KHDRBS2: variants seen among roughly 807,000 people sequenced by gnomAD.
KHDRBS2 encodes KH RNA binding domain containing, signal transduction associated 2, also known as KH domain-containing, RNA-binding, signal transduction-associated protein 2.
A neutral mutation model predicts 44.3 loss-of-function variants in KHDRBS2; 26 were observed. The observed-to-expected ratio is 0.59, with a 90% CI of 0.43 to 0.81. The LOEUF is 0.81. KHDRBS2 is among the 40% of genes least tolerant of loss of function. The pLI, the probability that KHDRBS2 is intolerant of heterozygous loss-of-function variation, is 0.00. For missense variants in KHDRBS2, 476 were observed against 433.1 expected (o/e 1.10, Z -0.88); for synonymous variants, 194 against 151.1 (o/e 1.28, Z -2.08).
At chr6:61,867,146 T>A (rs1797915437) in intron 6 of KHDRBS2, among the ~76,000 whole-genome samples, 3 of 152,184 alleles carry the variant, frequency 2.0e-5, no homozygotes, top group Admixed American at 1.3e-4. Context: ...AAGAGGTACC[T>A]AAGACTGGGA....
intron 7 of KHDRBS2, among the ~76,000 whole-genome samples, chr6:61,700,318 G>A (rs1768448051): frequency 6.6e-6 from 1 of 150,808 alleles, no homozygotes; most frequent in South Asian, 2.1e-4. Flanking sequence ...GAACAGTAGT[G>A]GGAGAGAATA....
the KHDRBS2 span, among the ~76,000 whole-genome samples, chr6:61,590,672 G>C: frequency 1.3e-5 from 2 of 151,990 alleles, no homozygotes; most frequent in Non-Finnish European, 2.9e-5. Context: ...TTTACTTTCT[G>C]GTCTTTTGTC....
chr6:62,025,783 G>A (rs1783201205), intron 3 of KHDRBS2, among the ~76,000 whole-genome samples: 1 of 151,978 alleles, frequency 6.6e-6, no homozygotes, highest in Non-Finnish European at 1.5e-5. Flanking sequence ...AAGACACCCA[G>A]ACATTTTTTC....
At chr6:61,721,494 C>T (rs1308347081) in intron 7 of KHDRBS2, among the ~76,000 whole-genome samples, 27 of 146,598 alleles carry the variant, frequency 1.8e-4, no homozygotes, top group African/African-American at 3.5e-4. Flanking sequence ...AGGTCCTTCA[C>T]GTCCCTTGTA....
chr6:61,995,615 T>A (rs934341525), intron 3 of KHDRBS2, among the ~76,000 whole-genome samples: 7 of 152,176 alleles, frequency 4.6e-5, no homozygotes, highest in Admixed American at 4.6e-4. Flanking sequence ...ATGCAAGGGG[T>A]CCATGTGATC....
intron 4 of KHDRBS2, among the ~76,000 whole-genome samples, chr6:61,934,407 A>G (rs549838118): frequency 6.6e-6 from 1 of 152,200 alleles, no homozygotes; most frequent in East Asian, 1.9e-4. Context: ...CCCCTAGGAG[A>G]CTAGCTAATT....
At chr6:62,141,553 G>C (rs1173953397) in intron 2 of KHDRBS2, among the ~76,000 whole-genome samples, 1 of 152,102 alleles carries the variant, frequency 6.6e-6, no homozygotes, top group Non-Finnish European at 1.5e-5. Context: ...GTTTACTGCA[G>C]TACATTGAAG....
the KHDRBS2 span, among the ~76,000 whole-genome samples, chr6:61,572,402 A>T: frequency 6.6e-6 from 1 of 152,174 alleles, no homozygotes; most frequent in Admixed American, 6.5e-5. Context: ...TCAAAGAAGA[A>T]TCAGTACCAA....
intron 2 of KHDRBS2, among the ~76,000 whole-genome samples, chr6:62,134,286 G>C (rs543110428): frequency 6.6e-6 from 1 of 152,128 alleles, no homozygotes; most frequent in African/African-American, 2.4e-5. Context: ...AGCTTGGACC[G>C]TGGCTTCAGA....
chr6:61,752,019 A>G (rs1938391), intron 6 of KHDRBS2, among the ~76,000 whole-genome samples: 6,759 of 152,110 alleles, frequency 0.044, 216 homozygotes, highest in Middle Eastern at 0.088. Context: ...CTGCCTAATG[A>G]CCCCATTTTA....
At chr6:61,653,275 T>G in the KHDRBS2 span, among the ~76,000 whole-genome samples, 1 of 152,252 alleles carries the variant, frequency 6.6e-6, no homozygotes, top group Non-Finnish European at 1.5e-5. Flanking sequence ...GAAGTGCCTG[T>G]TTACCTTATG....
chr6:62,212,634 T>C (rs1018161459), intron 1 of KHDRBS2, among the ~76,000 whole-genome samples: 2 of 152,142 alleles, frequency 1.3e-5, no homozygotes, highest in Non-Finnish European at 2.9e-5. Flanking sequence ...GAGAATGCCA[T>C]GTGAAGACAG....
At chr6:61,837,961 G>A (rs1236275275) in intron 6 of KHDRBS2, among the ~76,000 whole-genome samples, 3 of 151,934 alleles carry the variant, frequency 2.0e-5, no homozygotes, top group East Asian at 1.9e-4. Context: ...CTTAGCAGTT[G>A]ACAAAAAGAT....
chr6:62,072,552 G>T (rs780682407), intron 2 of KHDRBS2, among the ~76,000 whole-genome samples: 1 of 151,904 alleles, frequency 6.6e-6, no homozygotes, highest in Non-Finnish European at 1.5e-5. Flanking sequence ...TATCATGAAG[G>T]GTTGTTGAAT....
chr6:62,022,016 C>T (rs1261232313), intron 3 of KHDRBS2, among the ~76,000 whole-genome samples: 3 of 148,038 alleles, frequency 2.0e-5, no homozygotes, highest in Admixed American at 6.8e-5. Context: ...TATATATATA[C>T]ACACACACAA....
intron 6 of KHDRBS2, among the ~76,000 whole-genome samples, chr6:61,761,961 C>G (rs1187307028): frequency 6.6e-6 from 1 of 151,926 alleles, no homozygotes; most frequent in Non-Finnish European, 1.5e-5. Context: ...AAATATAAAT[C>G]AAAATATTAT....
chr6:61,997,824 C>T lies in KHDRBS2; in HGVS notation c.337-19612G>A, dbSNP rs567331585. On this transcript the variant is annotated intron_variant, in intron 3 of 8. Coordinates refer to ENST00000281156, the MANE Select transcript of KHDRBS2 (RefSeq NM_152688.4). ...GCTCCAATGACATTCTGTTGCCATT[C>T]TCCAAAGATCAATGACACGATTCTA... Among the ~76,000 whole-genome samples the T allele has an allele frequency of 1.2e-4, 19 of 152,264 alleles. No individual in the cohort carries two copies. The South Asian group carries it at 3.3e-3, about 27-fold the overall frequency.
At chr6:62,117,467 T>C (rs1224887540) in intron 2 of KHDRBS2, among the ~76,000 whole-genome samples, 1 of 152,164 alleles carries the variant, frequency 6.6e-6, no homozygotes, top group African/African-American at 2.4e-5. Flanking sequence ...CTTTTTGCTA[T>C]TGATGTCGTT....
chr6:62,242,406 T>C (rs1193919468), intron 1 of KHDRBS2, among the ~76,000 whole-genome samples: 1 of 152,178 alleles, frequency 6.6e-6, no homozygotes, highest in Non-Finnish European at 1.5e-5. Context: ...ATTTTTGTTG[T>C]GGTGGTTACT....
Sources: allele counts gnomAD v4.1 joint callset (sites outside exome capture counted in the v4.1 genomes callset), GRCh38; gene constraint gnomAD v4.1.1; transcripts MANE v1.5; gene names NCBI Gene and HGNC (gene_info 2026-07-23, HGNC 2026-07-21).